GRIN1: variants seen among roughly 807,000 people sequenced by gnomAD.
GRIN1 encodes glutamate ionotropic receptor NMDA type subunit 1.
GRIN1 carries 38 observed loss-of-function variants against 103.0 expected under a neutral mutation model. The observed-to-expected ratio is 0.37, with a 90% CI of 0.28 to 0.48. The LOEUF (loss-of-function observed/expected upper bound fraction) is 0.48. Ranked by LOEUF, GRIN1 falls within the 20% of genes least tolerant of loss-of-function variation. GRIN1 has a pLI of 0.98. For synonymous variants in GRIN1, 544 were observed against 532.7 expected (o/e 1.02, Z -0.29); for missense variants, 577 against 1,288.9 (o/e 0.45, Z 8.46).
chr9:137,151,840 A>C (rs1588707224), intron 4 of GRIN1, among the ~76,000 whole-genome samples: 1 of 139,068 alleles, frequency 7.2e-6, no homozygotes, highest in Non-Finnish European at 1.5e-5. Context: ...TAATTTTTGT[A>C]TTTTTAGTAG....
In GRIN1 at chr9:137,162,860, G is replaced by A. The variant is rs200187018; in HGVS notation, c.2028G>A (p.Ser676=). The stretch of plus-strand genomic sequence containing the variant: ...CGACCCTGCAGCTGAGGAACCCCTC[G>A]GACAAGTTTATCTACGCCACGGTGA... ...GINDPRLRNP[S]DKFIYATVKQ... The change falls in exon 15 of 20, where the codon TCG becomes TCA. Residue 676 remains serine (S), a synonymous_variant. Transcript: ENST00000371561. 7 of 1,612,072 alleles carry A rather than the reference G, an allele frequency of 4.3e-6. No homozygotes were observed. Among genetic ancestry groups the A allele is most frequent in the Non-Finnish European group, 5.1e-6 (6 of 1,179,680 alleles).
chr9:137,152,910 G>A (rs1832985374), intron 4 of GRIN1, among the ~76,000 whole-genome samples: 2 of 151,784 alleles, frequency 1.3e-5, no homozygotes, highest in South Asian at 4.1e-4. Flanking sequence ...ACACACGCAT[G>A]TATGCACATG....
chr9:137,158,648 T>A lies in GRIN1; in HGVS notation c.1141T>A (p.Trp381Arg). The change falls in exon 8 of 20, where the codon TGG (tryptophan) becomes AGG (arginine). Residue 381 changes from tryptophan to arginine, a missense_variant. Physicochemically the swap from Trp to Arg is moderately radical, Grantham distance 101. Coordinates refer to ENST00000371561, the MANE Select transcript of GRIN1 (RefSeq NM_007327.4). ...HVIPNDRKII[W>R]PGGETEKPRG... ...CATCCCTAATGACAGGAAGATCATC[T>A]GGCCAGGCGGAGAGACAGAGAAGCC... 1 of 1,612,898 alleles carries A rather than the reference T, an allele frequency of 6.2e-7. No homozygotes were observed. Among genetic ancestry groups the A allele is most frequent in the Non-Finnish European group, 8.5e-7 (1 of 1,179,962 alleles).
intron 4 of GRIN1, among the ~76,000 whole-genome samples, chr9:137,150,070 T>G (rs955626616): frequency 6.6e-6 from 1 of 152,112 alleles, no homozygotes; most frequent in Non-Finnish European, 1.5e-5. Flanking sequence ...GGGTTGTTGC[T>G]TAGAGCTGCC....
At chr9:137,165,494 G>A (rs951276909) in intron 19 of GRIN1, 198 bp downstream of exon 19, 1 of 618,092 alleles carries the variant, frequency 1.6e-6, no homozygotes, top group Non-Finnish European at 2.9e-6. Flanking sequence ...GCCCTCCTGG[G>A]TCCTCGGCTT....
intron 4 of GRIN1, among the ~76,000 whole-genome samples, chr9:137,151,117 A>C (rs1588705564): frequency 7.3e-6 from 1 of 136,824 alleles, no homozygotes; most frequent in East Asian, 2.4e-4. Context: ...CCCAGAAAAA[A>C]GTCGCGCCCG....
At position 137,163,799 on chromosome 9, in the gene GRIN1, C is replaced by T. The variant is rs1271487216; in HGVS notation, c.2484C>T (p.Ile828=). The T allele has an allele frequency of 1.2e-6, 2 of 1,613,612 alleles. No individual in the cohort carries two copies. Among genetic ancestry groups the T allele is most frequent in the Non-Finnish European group, 1.7e-6 (2 of 1,179,964 alleles). The change falls in exon 18 of 20, where the codon ATC becomes ATT. Residue 828 remains isoleucine, a synonymous_variant. Transcript: ENST00000371561. ...TAGCTGGGGGCATCGTGGCCGGGAT[C>T]TTCCTGATTTTCATCGAGATTGCCT... The part of the protein sequence containing the change: ...MLVAGGIVAG[I]FLIFIEIAYK...
intron 16 of GRIN1, 82 bp downstream of exon 16, chr9:137,163,412 G>C: frequency 6.5e-7 from 1 of 1,532,784 alleles, no homozygotes. Flanking sequence ...ACCACTCCGA[G>C]GCCACCACTG....
Position 137,147,964 on chromosome 9 carries a change from C to T in GRIN1, c.571-1045C>T, listed in dbSNP as rs555852981. 9.3e-4 allele frequency among the ~76,000 whole-genome samples: 142 copies of T among 152,140 alleles called. 2 individuals carry two copies. The highest frequency in any genetic ancestry group is 3.1e-3 in the African/African-American group (130 of 41,508). ...GGGAGCCTCCACGGCCCCGCCCCTA[C>T]GACCCTCACCCCCAGCTCCACCCCG... On this transcript the variant is annotated intron_variant, in intron 3 of 19. Coordinates refer to ENST00000371561, the MANE Select transcript of GRIN1 (RefSeq NM_007327.4).
At chr9:137,166,548 A>G (rs1401618116) in intron 19 of GRIN1, among the ~76,000 whole-genome samples, 1 of 152,272 alleles carries the variant, frequency 6.6e-6, no homozygotes, top group African/African-American at 2.4e-5. Flanking sequence ...GCAGACCTCC[A>G]GGGCACAGAC....
chr9:137,162,552 GC>G, intron 13 of GRIN1, 36 bp downstream of exon 13: 1 of 1,610,650 alleles, frequency 6.2e-7, no homozygotes, highest in Non-Finnish European at 8.5e-7. Flanking sequence ...TCCCGCCTCG[GC>G]CCTCTAGGGT....
chr9:137,158,316 G>A, intron 6 of GRIN1, 63 bp from the exon 7 acceptor site: 3 of 1,559,402 alleles, frequency 1.9e-6, no homozygotes, highest in South Asian at 2.2e-5. Flanking sequence ...GCAGGGGGAA[G>A]GAGCAGGGAG....
At chr9:137,166,276 T>A (rs925437710) in intron 19 of GRIN1, among the ~76,000 whole-genome samples, 1 of 152,152 alleles carries the variant, frequency 6.6e-6, no homozygotes, top group Non-Finnish European at 1.5e-5. Context: ...CTTGTCCCTG[T>A]AGCGGATATG....
rs559566945 is a variant in GRIN1 at position 137,145,518 on chromosome 9, G to A, written c.394-208G>A. Among the ~76,000 whole-genome samples the A allele has an allele frequency of 1.8e-4, 16 of 91,408 alleles. No homozygotes were observed. In the South Asian group the frequency reaches 2.3e-3, roughly 13 times the overall value. The allele number at this position is 91,408 out of a possible 152,430, so 60.0% of individuals were successfully genotyped here. On this transcript the variant is annotated intron_variant, in intron 2 of 19. Transcript: ENST00000371561. ...GGGTGGGAGACACGAGGGGGTCCCA[G>A]GGTCTAGAAAGTGTCCCCAGGGTGG...
intron 3 of GRIN1, chr9:137,148,169 T>C: frequency 1.9e-6 from 3 of 1,545,664 alleles, no homozygotes; most frequent in East Asian, 2.4e-5. Flanking sequence ...AAAGGAACTA[T>C]GAAAACCTCG....
intron 4 of GRIN1, among the ~76,000 whole-genome samples, chr9:137,156,122 C>T (rs1833201182): frequency 6.6e-6 from 1 of 152,224 alleles, no homozygotes; most frequent in African/African-American, 2.4e-5. Context: ...CCTCCGCTTC[C>T]CCTCGGGACA....
chr9:137,149,488 C>T (rs1832719788), intron 4 of GRIN1, among the ~76,000 whole-genome samples: 1 of 152,214 alleles, frequency 6.6e-6, no homozygotes, highest in African/African-American at 2.4e-5. Context: ...AAGTGATGTG[C>T]AGGTGTGCCA....
intron 8 of GRIN1, 87 bp downstream of exon 8, chr9:137,158,791 G>A: frequency 1.0e-6 from 1 of 982,994 alleles, no homozygotes; most frequent in Middle Eastern, 2.7e-4. Flanking sequence ...GTGCGGTGAG[G>A]TCAATGAAAG....
Position 137,156,703 on chromosome 9 carries a change from G to A in GRIN1, c.706G>A (p.Ala236Thr), listed in dbSNP as rs760178532. Residue 236 changes from alanine to threonine, a missense_variant, in exon 5 of 20, where the codon GCG becomes ACG. Physicochemically the swap from Ala to Thr is moderately conservative, Grantham distance 58. Coordinates refer to ENST00000371561, the MANE Select transcript of GRIN1 (RefSeq NM_007327.4). The part of the protein sequence containing the change: ...DDAATVYRAA[A>T]MLNMTGSGYV... ...TGCTGCCACTGTATACCGCGCAGCC[G>A]CGATGCTGAACATGACGGGCTCCGG... The A allele has an allele frequency of 1.3e-6, 2 of 1,596,586 alleles. No homozygotes were observed. The highest frequency in any genetic ancestry group is 8.5e-7 in the Non-Finnish European group (1 of 1,172,626).
Sources: allele counts gnomAD v4.1 joint callset (sites outside exome capture counted in the v4.1 genomes callset), GRCh38; gene constraint gnomAD v4.1.1; transcripts MANE v1.5; gene names NCBI Gene and HGNC (gene_info 2026-07-23, HGNC 2026-07-21).